ASPH: variants seen among roughly 807,000 people sequenced by gnomAD.
ASPH encodes aspartate beta-hydroxylase.
Under a neutral mutation model 118.4 loss-of-function variants are expected in ASPH, and 100 were observed. The observed-to-expected ratio is 0.84, with a 90% CI of 0.72 to 1.00. The LOEUF (loss-of-function observed/expected upper bound fraction) is 1.00, where lower values mean the gene tolerates loss of function less well. Ranked by LOEUF, ASPH falls within the 50% of genes least tolerant of loss-of-function variation. ASPH has a pLI of 0.00. For missense variants in ASPH, 920 were observed against 919.5 expected, an observed-to-expected ratio of 1.00 and a Z score of -0.01; for synonymous variants, 315 against 325.6, an observed-to-expected ratio of 0.97 and a Z score of 0.35.
In ASPH at chr8:61,675,606, TCA is replaced by T. The variant is rs935293596; in HGVS notation, c.322+5360_322+5361del. The T allele has an allele frequency of 6.1e-6, 6 of 978,246 alleles. No individual in the cohort carries two copies. In the African/African-American group the frequency reaches 8.8e-5, roughly 14 times the overall value. The allele number at this position is 978,246 out of a possible 1,614,324, so 60.6% of individuals were successfully genotyped here. ...TAGTAAAGAACCATCATTTTATACA[TCA>T]GTCATGTTAAAGAACAGAGAAGCAT... On this transcript the variant is annotated intron_variant, in intron 3 of 24. Coordinates refer to ENST00000379454, the MANE Select transcript of ASPH (RefSeq NM_004318.4).
At chr8:61,623,485 T>A (rs529118097) in intron 13 of ASPH, among the ~76,000 whole-genome samples, 125 of 152,344 alleles carry the variant, frequency 8.2e-4, no homozygotes, top group African/African-American at 2.9e-3. Context: ...TTTTGATGTA[T>A]TCTGTGGGTT....
chr8:61,638,333 A>G lies in ASPH; in HGVS notation c.821T>C (p.Ile274Thr). The G allele has an allele frequency of 3.1e-6, 5 of 1,598,012 alleles. No individual in the cohort carries two copies. The highest frequency in any genetic ancestry group is 4.3e-6 in the Non-Finnish European group (5 of 1,175,100). The change falls in exon 11 of 25, where the codon ATA becomes ACA. Residue 274 changes from isoleucine (I) to threonine (T), a missense_variant. Coordinates refer to ENST00000379454, the MANE Select transcript of ASPH (RefSeq NM_004318.4). ...AVYEPLENEG[I>T]EITEVTAPPE... ...CAGAAAAAACTTACCTGTGATTTCT[A>G]TCCCTTCATTTTCTAGAGGTTCATA... is the stretch of plus-strand genomic sequence containing the variant.
chr8:61,624,381 C>T (rs76657905), intron 13 of ASPH: 23,637 of 985,268 alleles, frequency 0.024, 367 homozygotes, highest in Non-Finnish European at 0.026. Context: ...TAAGCATTAT[C>T]TGTTAGAAAT....
chr8:61,588,632 T>C (rs916073696), intron 14 of ASPH, among the ~76,000 whole-genome samples: 3 of 152,326 alleles, frequency 2.0e-5, no homozygotes, highest in Non-Finnish European at 2.9e-5. Flanking sequence ...TCTACCTTGT[T>C]CTCAGGTTAT....
intron 3 of ASPH, chr8:61,675,576 C>G: frequency 1.0e-6 from 1 of 979,918 alleles, no homozygotes; most frequent in East Asian, 1.1e-4. Flanking sequence ...TAAAAAATAT[C>G]AGCTTAGTAA....
Position 61,684,039 on chromosome 8 carries a change from C to T in ASPH, c.253G>A (p.Gly85Arg). 1 of 1,613,100 alleles carries T rather than the reference C, an allele frequency of 6.2e-7. No individual in the cohort carries two copies. The highest frequency in any genetic ancestry group is 8.5e-7 in the Non-Finnish European group (1 of 1,179,440). ...FDLVDYEEVL[G>R]KLGIYDADGD... ...CACATAAGGATATCAAAATTCTTAC[C>T]TAGAACTTCCTCATAGTCAACAAGA... Residue 85 changes from glycine (G) to arginine (R), a missense_variant and splice_region_variant, in exon 2 of 25, where the codon GGA becomes AGA. Gly to Arg is a moderately radical substitution (Grantham distance 125, BLOSUM62 -2). Transcript: ENST00000379454.
chr8:61,685,653 A>G (rs1453289891), intron 1 of ASPH, among the ~76,000 whole-genome samples: 1 of 152,104 alleles, frequency 6.6e-6, no homozygotes, highest in African/African-American at 2.4e-5. Context: ...CTTTGTGTTA[A>G]AAGGATATAT....
At chr8:61,520,481 A>G (rs1458521459) in intron 22 of ASPH, among the ~76,000 whole-genome samples, 1 of 152,264 alleles carries the variant, frequency 6.6e-6, no homozygotes, top group Non-Finnish European at 1.5e-5. Context: ...ATTCACCCCA[A>G]TCAAATGGAG....
intron 21 of ASPH, among the ~76,000 whole-genome samples, chr8:61,539,100 G>A (rs1280072915): frequency 6.6e-6 from 1 of 152,082 alleles, no homozygotes; most frequent in African/African-American, 2.4e-5. Context: ...AATTAGCCAG[G>A]CGTGGTGGCA....
intron 21 of ASPH, among the ~76,000 whole-genome samples, chr8:61,544,489 T>C (rs927793744): frequency 7.2e-5 from 11 of 152,208 alleles, no homozygotes; most frequent in Non-Finnish European, 7.3e-5. Flanking sequence ...AGAAAATGAA[T>C]ACCTTTGTCC....
In ASPH at chr8:61,687,992, C is replaced by T. The variant is rs142795857; in HGVS notation, c.104-3804G>A. Among the ~76,000 whole-genome samples the T allele has an allele frequency of 1.2e-4, 19 of 152,182 alleles. No homozygotes were observed. The East Asian group carries it at 3.7e-3, about 29-fold the overall frequency. On this transcript the variant is annotated intron_variant, in intron 1 of 24. Transcript: ENST00000379454. ...TTTTAGGGGCAGTTTTTATCGACAG[C>T]AAACAATATACTCTTGATATGTCAT...
At chr8:61,680,132 T>C (rs1349351498) in intron 3 of ASPH, among the ~76,000 whole-genome samples, 2 of 151,750 alleles carry the variant, frequency 1.3e-5, no homozygotes, top group East Asian at 3.9e-4. Flanking sequence ...CTAATAAATA[T>C]ACACAAAACA....
At chr8:61,675,597 T>G (rs902527948) in intron 3 of ASPH, 2 of 979,396 alleles carry the variant, frequency 2.0e-6, no homozygotes, top group African/African-American at 3.5e-5. Flanking sequence ...AGAACCATCA[T>G]TTTATACATC....
At chr8:61,686,516 C>T (rs1429198000) in intron 1 of ASPH, among the ~76,000 whole-genome samples, 1 of 152,138 alleles carries the variant, frequency 6.6e-6, no homozygotes, top group Non-Finnish European at 1.5e-5. Flanking sequence ...TTTTGTATGT[C>T]TAATTCACTA....
At chr8:61,538,615 A>G (rs1397430809) in intron 21 of ASPH, among the ~76,000 whole-genome samples, 1 of 152,216 alleles carries the variant, frequency 6.6e-6, no homozygotes, top group African/African-American at 2.4e-5. Flanking sequence ...ATTTTTGTCT[A>G]GGCGAAGTCA....
At chr8:61,506,266 G>GTAGTTACTAGTTGTTA in intron 24 of ASPH, among the ~76,000 whole-genome samples, 1 of 152,168 alleles carries the variant, frequency 6.6e-6, no homozygotes, top group East Asian at 1.9e-4. Context: ...TGAGGTCCTA[G>GTAGTTACTAGTTGTTA]ACTAGTAGTT....
rs377501571 is a variant in ASPH at position 61,531,804 on chromosome 8, T to C, written c.1765-5692A>G. Among the ~76,000 whole-genome samples the C allele has an allele frequency of 2.0e-5, 3 of 152,350 alleles. No individual in the cohort carries two copies. The East Asian group carries it at 5.8e-4, about 29-fold the overall frequency. On this transcript the variant is annotated intron_variant, in intron 21 of 24. Coordinates refer to ENST00000379454, the MANE Select transcript of ASPH (RefSeq NM_004318.4). ...ATATCATACAGTGTTTGTCTTTCTA[T>C]ATCTGGCTTACTTCACTTAGCATAA... is the stretch of plus-strand genomic sequence containing the variant.
In ASPH at chr8:61,573,855, G is replaced by A. The variant is rs942454535; in HGVS notation, c.1149+2917C>T. Among the ~76,000 whole-genome samples the A allele has an allele frequency of 5.3e-5, 8 of 152,128 alleles. No individual in the cohort carries two copies. The South Asian group carries it at 8.3e-4, about 16-fold the overall frequency. ...AAAGCCAAAATTGACAAATAGGATC[G>A]AATTAAACTAAAGAGCTTCTGCACA... is the stretch of plus-strand genomic sequence containing the variant. On this transcript the variant is annotated intron_variant, in intron 16 of 24. Coordinates refer to ENST00000379454, the MANE Select transcript of ASPH (RefSeq NM_004318.4).
At chr8:61,620,849 G>A (rs2150525199) in intron 13 of ASPH, among the ~76,000 whole-genome samples, 1 of 152,330 alleles carries the variant, frequency 6.6e-6, no homozygotes, top group Admixed American at 6.5e-5. Flanking sequence ...GGTGGGTGCT[G>A]GTCATGAAGG....
Sources: gnomAD v4.1 joint callset for allele counts (sites outside exome capture counted in the v4.1 genomes callset) on GRCh38, gnomAD v4.1.1 for gene constraint, MANE v1.5 for transcripts, NCBI Gene and HGNC (gene_info 2026-07-23, HGNC 2026-07-21) for gene names.